ZMIZ1: variants seen among roughly 807,000 people sequenced by gnomAD.
ZMIZ1 encodes the protein zinc finger MIZ-type containing 1, also known as zinc finger MIZ domain-containing protein 1.
A neutral mutation model predicts 113.9 loss-of-function variants in ZMIZ1; 17 were observed. The observed-to-expected ratio is 0.15, with a 90% confidence interval of 0.10 to 0.22. The LOEUF (loss-of-function observed/expected upper bound fraction) is 0.22. ZMIZ1 is among the 10% of genes least tolerant of loss of function. The pLI, the probability that ZMIZ1 is intolerant of heterozygous loss-of-function variation, is 1.00. For missense variants in ZMIZ1, 1,059 were observed against 1,477.8 expected (o/e 0.72, Z 4.65); for synonymous variants, 607 against 603.1 (o/e 1.01, Z -0.09).
At position 79,069,418 on chromosome 10, in the gene ZMIZ1, GGCTCC is replaced by G. The variant is rs1398959384; in HGVS notation, c.-337+158_-337+162del. 1 of 151,032 alleles carries G rather than the reference GGCTCC, an allele frequency of 6.6e-6. No homozygotes were observed. Among genetic ancestry groups the G allele is most frequent in the Non-Finnish European group, 1.5e-5 (1 of 67,716 alleles). The allele number at this position is 151,032 out of a possible 1,614,324, so 9.4% of individuals were successfully genotyped here. A position where few individuals can be genotyped will look rare whatever the true frequency, so the allele number is the denominator to read the frequency against. On this transcript the variant is annotated intron_variant, in intron 1 of 24. Transcript: ENST00000334512. This position sits in a 1 kb window ranked among gnomAD's most constrained non-coding sequence, Gnocchi z 4.6. ...AGCGGGGCGACCGGCCGGCGGCGCG[GGCTCC>G]GCTCCGCTCTCCTTGGCGGCCGGGG...
intron 2 of ZMIZ1, among the ~76,000 whole-genome samples, chr10:79,138,763 C>T (rs913380939): frequency 6.6e-6 from 1 of 152,130 alleles, no homozygotes; most frequent in African/African-American, 2.4e-5. Flanking sequence ...TAGTACCCAA[C>T]AGGACATACA....
chr10:79,221,328 TC>T (rs1396397282), intron 7 of ZMIZ1, among the ~76,000 whole-genome samples: 1 of 152,194 alleles, frequency 6.6e-6, no homozygotes, highest in Non-Finnish European at 1.5e-5. Context: ...GCACAGGCAG[TC>T]ACTGCAGCAG....
intron 1 of ZMIZ1, among the ~76,000 whole-genome samples, chr10:79,086,272 ACCT>A (rs1842810648): frequency 6.6e-6 from 1 of 151,808 alleles, no homozygotes; most frequent in Non-Finnish European, 1.5e-5. Context: ...CCTCCCAGGG[ACCT>A]CCTAGGCATT....
At chr10:79,209,612 G>C (rs1276609601) in intron 6 of ZMIZ1, among the ~76,000 whole-genome samples, 1 of 152,266 alleles carries the variant, frequency 6.6e-6, no homozygotes, top group African/African-American at 2.4e-5. Flanking sequence ...AAGCTGGAAG[G>C]AGACAAAAGG....
chr10:79,202,479 T>C (rs1848143898), intron 5 of ZMIZ1, among the ~76,000 whole-genome samples: 1 of 149,940 alleles, frequency 6.7e-6, no homozygotes. Context: ...AGACAAGAGG[T>C]CCTAGGAAAT....
chr10:79,130,625 G>GC (rs1303194518), intron 2 of ZMIZ1, among the ~76,000 whole-genome samples: 5 of 152,176 alleles, frequency 3.3e-5, no homozygotes, highest in African/African-American at 1.2e-4. Flanking sequence ...CATGGTTGGT[G>GC]CATAGGCGCT....
At chr10:79,268,351 C>T (rs1166101360) in intron 7 of ZMIZ1, among the ~76,000 whole-genome samples, 4 of 152,306 alleles carry the variant, frequency 2.6e-5, no homozygotes, top group African/African-American at 7.2e-5. Context: ...TGGACACATT[C>T]GTGATGAGAT....
intron 7 of ZMIZ1, among the ~76,000 whole-genome samples, chr10:79,264,507 A>T (rs16937051): frequency 6.6e-6 from 1 of 151,916 alleles, no homozygotes; most frequent in Non-Finnish European, 1.5e-5. Flanking sequence ...CTAATTTCCT[A>T]CTGAGGTGGT....
chr10:79,117,746 C>CT (rs1009193196), intron 1 of ZMIZ1, among the ~76,000 whole-genome samples: 3 of 152,154 alleles, frequency 2.0e-5, no homozygotes, highest in African/African-American at 7.2e-5. Context: ...AGAAGGGGGA[C>CT]TTTACAAAGA....
Position 79,299,198 on chromosome 10 carries a change from G to C in ZMIZ1, c.1808+7G>C. On this transcript the variant is annotated splice_region_variant and intron_variant, in intron 16 of 24. Transcript: ENST00000334512. ...ACCAGACGCTGATGTGGAGGTGCGT[G>C]TCAGGGCAGGGGCGCCAGCCCAGGC... 6.2e-7 allele frequency: 1 copy of C among 1,600,436 alleles called. No homozygotes were observed. The highest frequency in any genetic ancestry group is 8.5e-7 in the Non-Finnish European group (1 of 1,177,408).
rs770078419 is a variant in ZMIZ1, at chr10:79,314,155, G to C, written c.*1406G>C. ...CCTCTGGCCTTCCCTCCACCGCTTT[G>C]CTCCATCTGGCTTACCACTCTCCAG... On this transcript the variant is annotated 3_prime_UTR_variant, in exon 25 of 25. Coordinates refer to ENST00000334512, the MANE Select transcript of ZMIZ1 (RefSeq NM_020338.4). 2.8e-5 allele frequency: 13 copies of C among 456,916 alleles called. No homozygotes were observed. The highest frequency in any genetic ancestry group is 5.7e-5 in the Non-Finnish European group (13 of 227,002). The allele number at this position is 456,916 out of a possible 1,614,324, so 28.3% of individuals were successfully genotyped here.
Position 79,296,465 on chromosome 10 carries a change from C to A in ZMIZ1, c.1231-6C>A. The A allele has an allele frequency of 6.2e-7, 1 of 1,613,916 alleles. No individual in the cohort carries two copies. The highest frequency in any genetic ancestry group is 8.5e-7 in the Non-Finnish European group (1 of 1,179,884). On this transcript the variant is annotated splice_polypyrimidine_tract_variant and splice_region_variant and intron_variant, in intron 12 of 24. Coordinates refer to ENST00000334512, the MANE Select transcript of ZMIZ1 (RefSeq NM_020338.4). The surrounding 1 kb of genome is among the most constrained non-coding windows in gnomAD (Gnocchi z 4.1). ...TGTTTCCCCTCTCCTTTCTCTCCCACCACAGCCCAACTATGGAAACCAGCA... is the reference window on the plus strand; with the variant it reads ...TGTTTCCCCTCTCCTTTCTCTCCCAACACAGCCCAACTATGGAAACCAGCA...
chr10:79,274,279 A>G lies in ZMIZ1; in HGVS notation c.281-2902A>G, dbSNP rs569813465. On this transcript the variant is annotated intron_variant, in intron 7 of 24. Transcript: ENST00000334512. ...CACTCACCCTGGGACTGTTTTTGCC[A>G]TTCTAGCAAGTGCACAGACCAAAGG... Among the ~76,000 whole-genome samples, 9 of 152,332 alleles carry G rather than the reference A, an allele frequency of 5.9e-5. No individual in the cohort carries two copies. The East Asian group carries it at 1.5e-3, about 26-fold the overall frequency.
At chr10:79,280,522 A>G (rs1852660240) in intron 8 of ZMIZ1, among the ~76,000 whole-genome samples, 2 of 151,134 alleles carry the variant, frequency 1.3e-5, no homozygotes, top group South Asian at 4.2e-4. Flanking sequence ...CAATCCTACC[A>G]CCTTGGCCTC....
At chr10:79,186,902 C>A (rs1847374082) in intron 4 of ZMIZ1, among the ~76,000 whole-genome samples, 1 of 152,222 alleles carries the variant, frequency 6.6e-6, no homozygotes, top group Non-Finnish European at 1.5e-5. Flanking sequence ...ACTCTCTTAA[C>A]CATCTGCCCA....
intron 4 of ZMIZ1, among the ~76,000 whole-genome samples, chr10:79,183,356 GCGCA>G (rs1204955939): frequency 2.5e-5 from 2 of 81,068 alleles, no homozygotes; most frequent in Non-Finnish European, 4.4e-5. Context: ...GCTCGTGCAC[GCGCA>G]CACACACACA....
At chr10:79,204,080 G>A (rs960467169) in intron 5 of ZMIZ1, among the ~76,000 whole-genome samples, 4 of 152,160 alleles carry the variant, frequency 2.6e-5, no homozygotes, top group African/African-American at 4.8e-5. Flanking sequence ...AGTCAGCCTC[G>A]GCTGGCTGGG....
At chr10:79,236,542 C>G (rs1338439512) in intron 7 of ZMIZ1, among the ~76,000 whole-genome samples, 3 of 152,176 alleles carry the variant, frequency 2.0e-5, no homozygotes, top group South Asian at 2.1e-4. Flanking sequence ...CTCCAGAAAT[C>G]AATGGGAAGA....
chr10:79,273,601 G>T (rs1215978670), intron 7 of ZMIZ1, among the ~76,000 whole-genome samples: 4 of 152,134 alleles, frequency 2.6e-5, no homozygotes, highest in Admixed American at 6.5e-5. Context: ...CAAGTGATCT[G>T]CCCGCCTCAG....
Sources: allele counts gnomAD v4.1 joint callset (sites outside exome capture counted in the v4.1 genomes callset), GRCh38; gene constraint gnomAD v4.1.1; non-coding constraint Gnocchi (gnomAD v3.1); transcripts MANE v1.5; gene names NCBI Gene and HGNC (gene_info 2026-07-23, HGNC 2026-07-21).